Variants in TIA1 observed in about 807,000 individuals in gnomAD.
TIA1 encodes the protein TIA1 cytotoxic granule associated RNA binding protein.
TIA1 carries 23 observed loss-of-function variants against 65.9 expected under a neutral mutation model. The ratio of observed to expected loss-of-function variants is 0.35; its 90% CI spans 0.25 to 0.49. The LOEUF is 0.49. Ranked by LOEUF, TIA1 falls within the 20% of genes least tolerant of loss-of-function variation. TIA1 has a pLI of 0.98. For missense variants in TIA1, 371 were observed against 477.9 expected (o/e 0.78, Z 2.09); for synonymous variants, 147 against 149.4 (o/e 0.98, Z 0.12).
intron 2 of TIA1, among the ~76,000 whole-genome samples, chr2:70,235,771 A>G (rs1431042532): frequency 6.6e-6 from 1 of 152,214 alleles, no homozygotes; most frequent in Non-Finnish European, 1.5e-5. Context: ...AACATTTCTG[A>G]TGCCTCAATG....
chr2:70,225,028 TA>T (rs572172740), intron 6 of TIA1: 418 of 928,688 alleles, frequency 4.5e-4, no homozygotes, highest in South Asian at 8.0e-4. Context: ...ACCTAATCAT[TA>T]AAAAAAAATA....
At chr2:70,242,245 A>C (rs1482105866) in intron 1 of TIA1, among the ~76,000 whole-genome samples, 1 of 152,016 alleles carries the variant, frequency 6.6e-6, no homozygotes, top group Non-Finnish European at 1.5e-5. Context: ...AGAAATTTTC[A>C]GGATTAGCTG....
intron 11 of TIA1, among the ~76,000 whole-genome samples, chr2:70,214,736 G>T (rs1677879065): frequency 6.6e-6 from 1 of 152,044 alleles, no homozygotes; most frequent in Non-Finnish European, 1.5e-5. Context: ...GTTTTTGGAA[G>T]GCATCAGTTG....
intron 1 of TIA1, among the ~76,000 whole-genome samples, chr2:70,242,629 T>C (rs1455049136): frequency 6.6e-6 from 1 of 151,694 alleles, no homozygotes; most frequent in African/African-American, 2.4e-5. Context: ...AGTTGGTATC[T>C]ACCATCTAGA....
chr2:70,228,506 C>T, intron 5 of TIA1: 1 of 1,198,066 alleles, frequency 8.3e-7, no homozygotes, highest in Non-Finnish European at 1.1e-6. Flanking sequence ...CACTTTATAT[C>T]AGAACCATTA....
In TIA1 at chr2:70,212,092, A is replaced by AT. The variant is rs531080623; in HGVS notation, c.*626dup. 1.0e-3 allele frequency: 152 copies of AT among 152,698 alleles called. No individual in the cohort carries two copies. Among genetic ancestry groups the AT allele is most frequent in the Admixed American group, 1.5e-3 (23 of 15,288 alleles). The allele number at this position is 152,698 out of a possible 1,614,324, so 9.5% of individuals were successfully genotyped here. On this transcript the variant is annotated 3_prime_UTR_variant, in exon 13 of 13. Coordinates refer to ENST00000433529, the MANE Select transcript of TIA1 (RefSeq NM_022173.4). Reference sequence around the variant, plus strand: ...AAAGTTTTCAATCTAAATGAACATCATTTTTTCCATTTAAGTATATTTTAC... The same window carrying AT: ...AAAGTTTTCAATCTAAATGAACATCATTTTTTTCCATTTAAGTATATTTTAC...
chr2:70,247,840 T>A (rs1695077994), intron 1 of TIA1, among the ~76,000 whole-genome samples: 1 of 151,064 alleles, frequency 6.6e-6, no homozygotes, highest in South Asian at 2.1e-4. Flanking sequence ...AAGCCAGAGG[T>A]TAAAGAAAAA....
At chr2:70,235,083 A>G (rs1401310419) in intron 2 of TIA1, among the ~76,000 whole-genome samples, 1 of 152,114 alleles carries the variant, frequency 6.6e-6, no homozygotes, top group Non-Finnish European at 1.5e-5. Flanking sequence ...AAGAGAGACC[A>G]TGGGACAAAA....
At chr2:70,236,942 A>G (rs1365558043) in intron 1 of TIA1, among the ~76,000 whole-genome samples, 2 of 152,128 alleles carry the variant, frequency 1.3e-5, no homozygotes, top group African/African-American at 4.8e-5. Context: ...CCCTTGATTT[A>G]CCATTTTTAA....
chr2:70,215,168 A>AT, intron 11 of TIA1: 6 of 596,096 alleles, frequency 1.0e-5, no homozygotes, highest in Non-Finnish European at 1.4e-5. Flanking sequence ...CTGTGTGAGC[A>AT]TGAGTCAATT....
At chr2:70,218,927 A>C (rs1389416272) in intron 7 of TIA1, among the ~76,000 whole-genome samples, 1 of 152,234 alleles carries the variant, frequency 6.6e-6, no homozygotes, top group African/African-American at 2.4e-5. Flanking sequence ...CCACAAGCAA[A>C]AGGAGAGAAA....
rs1479117867 is a variant in TIA1, at chr2:70,211,269, T to G, written c.*1450A>C. 2 of 152,142 alleles carry G rather than the reference T, an allele frequency of 1.3e-5. No individual in the cohort carries two copies. Among genetic ancestry groups the G allele is most frequent in the Non-Finnish European group, 2.9e-5 (2 of 68,038 alleles). The allele number at this position is 152,142 out of a possible 1,614,324, so 9.4% of individuals were successfully genotyped here. A position where few individuals can be genotyped will look rare whatever the true frequency, so the allele number is the denominator to read the frequency against. ...ACTAGAAATTTCAAAACTAGAACAATGCCATCAAAGATTAAACCTCTTAAT... is the reference window on the plus strand; with the variant it reads ...ACTAGAAATTTCAAAACTAGAACAAGGCCATCAAAGATTAAACCTCTTAAT... On this transcript the variant is annotated 3_prime_UTR_variant, in exon 13 of 13. Transcript: ENST00000433529.
intron 9 of TIA1, 46 bp downstream of exon 9, chr2:70,216,358 G>A: frequency 1.3e-6 from 2 of 1,589,784 alleles, no homozygotes; most frequent in Non-Finnish European, 1.7e-6. Context: ...CAAATATTAA[G>A]CTTTGCACTT....
At chr2:70,246,830 G>A (rs1304253581) in intron 1 of TIA1, among the ~76,000 whole-genome samples, 2 of 152,134 alleles carry the variant, frequency 1.3e-5, no homozygotes, top group East Asian at 1.9e-4. Context: ...AGGTTGCAGT[G>A]AGCCGAAATC....
intron 1 of TIA1, among the ~76,000 whole-genome samples, chr2:70,241,010 T>G (rs561319136): frequency 6.6e-6 from 1 of 151,992 alleles, no homozygotes; most frequent in Non-Finnish European, 1.5e-5. Flanking sequence ...ATGAGAGAAA[T>G]AGAAAATCAC....
At position 70,225,276 on chromosome 2, in the gene TIA1, A is replaced by G. The variant is rs1187020071; in HGVS notation, c.399-647T>C. Reference sequence around the variant, plus strand: ...TTCATATAAAATTGATTGGAACTACAAGATATAAAAGCAAAATTTTAAAAA... The same window carrying G: ...TTCATATAAAATTGATTGGAACTACGAGATATAAAAGCAAAATTTTAAAAA... On this transcript the variant is annotated intron_variant, in intron 6 of 12. Coordinates refer to ENST00000433529, the MANE Select transcript of TIA1 (RefSeq NM_022173.4). 3 of 1,241,136 alleles carry G rather than the reference A, an allele frequency of 2.4e-6. No homozygotes were observed. The African/African-American group carries it at 4.8e-5, about 20-fold the overall frequency. 76.9% of individuals were successfully genotyped at this position (1,241,136 alleles called of 1,614,324 possible).
At chr2:70,246,490 A>T (rs1694375788) in intron 1 of TIA1, among the ~76,000 whole-genome samples, 1 of 152,210 alleles carries the variant, frequency 6.6e-6, no homozygotes, top group South Asian at 2.1e-4. Context: ...GGTAGAAACA[A>T]GAGAAGACTT....
intron 7 of TIA1, among the ~76,000 whole-genome samples, chr2:70,219,702 G>A (rs1680332707): frequency 6.7e-6 from 1 of 150,290 alleles, no homozygotes; most frequent in African/African-American, 2.4e-5. Flanking sequence ...AACAGGCAAT[G>A]GGAGGGATTC....
intron 1 of TIA1, among the ~76,000 whole-genome samples, chr2:70,246,134 G>A (rs1416716451): frequency 6.6e-6 from 1 of 152,248 alleles, no homozygotes; most frequent in East Asian, 1.9e-4. Context: ...ATGTTGGCCA[G>A]GCTGGTCTTG....
Sources: allele counts gnomAD v4.1 joint callset (sites outside exome capture counted in the v4.1 genomes callset), GRCh38; gene constraint gnomAD v4.1.1; transcripts MANE v1.5; gene names NCBI Gene and HGNC (gene_info 2026-07-23, HGNC 2026-07-21).